BARX2: variants seen among roughly 807,000 people sequenced by gnomAD.
BARX2 encodes the protein homeobox protein BarH-like 2.
BARX2 carries 11 observed loss-of-function variants against 25.5 expected under a neutral mutation model. The observed-to-expected ratio is 0.43, with a 90% CI of 0.27 to 0.71. The LOEUF is 0.71. Among genes scored for constraint, BARX2 ranks in the 30% least tolerant of loss-of-function variants. The pLI is 0.19. For missense variants in BARX2, 360 were observed against 359.9 expected, an observed-to-expected ratio of 1.00 and a Z score of 0.00; for synonymous variants, 137 against 149.5, an observed-to-expected ratio of 0.92 and a Z score of 0.61.
intron 2 of BARX2, among the ~76,000 whole-genome samples, chr11:129,441,313 TAACTC>T (rs1434513190): frequency 6.6e-6 from 1 of 152,180 alleles, no homozygotes; most frequent in Non-Finnish European, 1.5e-5. Flanking sequence ...CCCCACTTCT[TAACTC>T]TACGATCATC....
chr11:129,439,489 A>C (rs1050961336), intron 2 of BARX2, among the ~76,000 whole-genome samples: 1 of 151,878 alleles, frequency 6.6e-6, no homozygotes, highest in Non-Finnish European at 1.5e-5. Flanking sequence ...TCCATGTGTG[A>C]GAAGAGGACA....
intron 1 of BARX2, among the ~76,000 whole-genome samples, chr11:129,380,530 T>C (rs985763361): frequency 1.3e-5 from 2 of 152,094 alleles, no homozygotes; most frequent in Non-Finnish European, 2.9e-5. Flanking sequence ...AACCTGAGAG[T>C]TGGATACTGG....
intron 1 of BARX2, among the ~76,000 whole-genome samples, chr11:129,378,563 CTTTTTTTTTT>C (rs56804728): frequency 9.0e-6 from 1 of 111,210 alleles, no homozygotes; most frequent in Non-Finnish European, 1.8e-5. Flanking sequence ...TTTTCTTTTT[CTTTTTTTTTT>C]TTTTTTTTTT....
chr11:129,427,951 G>A (rs374883124), intron 1 of BARX2, among the ~76,000 whole-genome samples: 21 of 152,106 alleles, frequency 1.4e-4, no homozygotes, highest in Admixed American at 6.5e-4. Flanking sequence ...GGATGTCTCC[G>A]GCACCCACCA....
chr11:129,423,089 T>C (rs1278201036), intron 1 of BARX2, among the ~76,000 whole-genome samples: 1 of 151,166 alleles, frequency 6.6e-6, no homozygotes, highest in African/African-American at 2.4e-5. Context: ...GATTAGAATG[T>C]GTAGGGAGAA....
intron 3 of BARX2, among the ~76,000 whole-genome samples, chr11:129,447,836 G>A (rs1272446469): frequency 1.3e-5 from 2 of 152,222 alleles, no homozygotes; most frequent in Middle Eastern, 3.4e-3. Context: ...ACTTACTTTT[G>A]TATAACCTCT....
chr11:129,408,325 T>C (rs1747266651), intron 1 of BARX2, among the ~76,000 whole-genome samples: 1 of 152,186 alleles, frequency 6.6e-6, no homozygotes, highest in South Asian at 2.1e-4. Flanking sequence ...TGAGATTTGA[T>C]AGAATACCTT....
rs370281521 is a variant in BARX2, at chr11:129,442,807, C to T, written c.489-28C>T. On this transcript the variant is annotated intron_variant, in intron 2 of 3. Coordinates refer to ENST00000281437, the MANE Select transcript of BARX2 (RefSeq NM_003658.5). ...CTCCTGCTGCCTCCCATTCTGCTCA[C>T]CTTTCCTTTGTATCTTGTGCCTTCT... 2.5e-6 allele frequency: 4 copies of T among 1,593,498 alleles called. No homozygotes were observed. In the African/African-American group the frequency reaches 4.0e-5, roughly 16 times the overall value.
chr11:129,432,777 T>A (rs1862143655), intron 1 of BARX2, among the ~76,000 whole-genome samples: 1 of 152,122 alleles, frequency 6.6e-6, no homozygotes, highest in Non-Finnish European at 1.5e-5. Context: ...TTAAAAAATT[T>A]TAAAAAAAAG....
intron 3 of BARX2, among the ~76,000 whole-genome samples, chr11:129,444,905 G>A (rs1477927199): frequency 6.6e-6 from 1 of 152,134 alleles, no homozygotes; most frequent in Non-Finnish European, 1.5e-5. Flanking sequence ...GGAGGCTGAG[G>A]CCAGAGAATC....
chr11:129,411,174 A>C (rs1397889387), intron 1 of BARX2, among the ~76,000 whole-genome samples: 1 of 152,122 alleles, frequency 6.6e-6, no homozygotes, highest in Non-Finnish European at 1.5e-5. Flanking sequence ...GTTCGAGACC[A>C]TCCTGGCTAA....
chr11:129,385,328 A>G (rs1861607105), intron 1 of BARX2, among the ~76,000 whole-genome samples: 1 of 152,230 alleles, frequency 6.6e-6, no homozygotes, highest in Non-Finnish European at 1.5e-5. Context: ...GTATGAGTGT[A>G]AAAGGATACC....
chr11:129,411,020 G>A (rs1268575696), intron 1 of BARX2, among the ~76,000 whole-genome samples: 1 of 152,208 alleles, frequency 6.6e-6, no homozygotes, highest in Non-Finnish European at 1.5e-5. Flanking sequence ...ATACACAGAT[G>A]TCCCAGTCTC....
In BARX2 at chr11:129,376,242, G is replaced by T. The variant is rs770043477; in HGVS notation, c.187+20G>T. On this transcript the variant is annotated intron_variant, in intron 1 of 3. Coordinates refer to ENST00000281437, the MANE Select transcript of BARX2 (RefSeq NM_003658.5). This position sits in a 1 kb window ranked among gnomAD's most constrained non-coding sequence, Gnocchi z 4.2. ...GTACGGGTAAGACGCTCCGCTAGGG[G>T]ATAAGTGGGGTTCGGTAGCTTTCAC... The T allele has an allele frequency of 8.0e-5, 127 of 1,582,286 alleles. No individual in the cohort carries two copies. The highest frequency in any genetic ancestry group is 1.0e-4 in the Non-Finnish European group (122 of 1,164,096).
At chr11:129,405,825 C>A (rs1462097126) in intron 1 of BARX2, among the ~76,000 whole-genome samples, 1 of 152,200 alleles carries the variant, frequency 6.6e-6, no homozygotes, top group Non-Finnish European at 1.5e-5. Flanking sequence ...GCTTGCAATT[C>A]TTTCTTCTAC....
Position 129,376,328 on chromosome 11 carries a change from A to G in BARX2, c.187+106A>G, listed in dbSNP as rs1379006884. On this transcript the variant is annotated intron_variant, in intron 1 of 3. Coordinates refer to ENST00000281437, the MANE Select transcript of BARX2 (RefSeq NM_003658.5). This position sits in a 1 kb window ranked among gnomAD's most constrained non-coding sequence, Gnocchi z 4.2. The stretch of plus-strand genomic sequence containing the variant: ...GCGAGAGGAAGGGTTAAGTTAAGGG[A>G]TTCTTTTCCTGCGCCTCAGCAAGCG... The G allele has an allele frequency of 3.5e-6, 4 of 1,141,652 alleles. No homozygotes were observed. In the Admixed American group the frequency reaches 7.7e-5, roughly 22 times the overall value. 70.7% of individuals were successfully genotyped at this position (1,141,652 alleles called of 1,614,324 possible). A position where few individuals can be genotyped will look rare whatever the true frequency, so the allele number is the denominator to read the frequency against.
intron 3 of BARX2, among the ~76,000 whole-genome samples, chr11:129,450,899 A>G (rs1383627601): frequency 2.6e-5 from 4 of 152,162 alleles, no homozygotes; most frequent in Non-Finnish European, 4.4e-5. Flanking sequence ...GAAGCTGCCT[A>G]TGATTGTTGT....
At chr11:129,397,992 A>G (rs73024947) in intron 1 of BARX2, among the ~76,000 whole-genome samples, 14,049 of 152,254 alleles carry the variant, frequency 0.092, 835 homozygotes, top group East Asian at 0.29. Flanking sequence ...TTTATCACCA[A>G]TCTTTAGCTA....
Position 129,414,532 on chromosome 11 carries a change from G to A in BARX2, c.188-22219G>A, listed in dbSNP as rs1476057871. On this transcript the variant is annotated intron_variant, in intron 1 of 3. Transcript: ENST00000281437. ...GCAGATCTCAAGGCCGTTCTCTACTGGATGAGATTCTCTCCAAGTCTCAGA... is the reference window on the plus strand; with the variant it reads ...GCAGATCTCAAGGCCGTTCTCTACTAGATGAGATTCTCTCCAAGTCTCAGA... 2.6e-5 allele frequency among the ~76,000 whole-genome samples: 4 copies of A among 151,796 alleles called. No homozygotes were observed. The East Asian group carries it at 7.8e-4, about 30-fold the overall frequency.
Sources: gnomAD v4.1 joint callset for allele counts (sites outside exome capture counted in the v4.1 genomes callset) on GRCh38, gnomAD v4.1.1 for gene constraint, Gnocchi (gnomAD v3.1) non-coding constraint, MANE v1.5 for transcripts, NCBI Gene and HGNC (gene_info 2026-07-23, HGNC 2026-07-21) for gene names.